Variants in RERE observed in about 807,000 individuals in gnomAD.
The protein encoded by RERE is arginine-glutamic acid dipeptide repeats protein.
Under a neutral mutation model 146.1 loss-of-function variants are expected in RERE, and 40 were observed. The ratio of observed to expected loss-of-function variants is 0.27; its 90% CI spans 0.21 to 0.36. The LOEUF is 0.36. Among genes scored for constraint, RERE ranks in the 10% least tolerant of loss-of-function variants. The pLI is 1.00. For missense variants in RERE, 1,933 were observed against 2,138.7 expected (o/e 0.90, Z 1.90); for synonymous variants, 1,003 against 866.0 (o/e 1.16, Z -2.78).
chr1:8,816,510 A>C (rs531577615), intron 1 of RERE, among the ~76,000 whole-genome samples: 1 of 152,316 alleles, frequency 6.6e-6, no homozygotes, highest in Admixed American at 6.5e-5. Flanking sequence ...TTTCAAAGGA[A>C]GCCTGCAACA....
intron 1 of RERE, among the ~76,000 whole-genome samples, chr1:8,724,650 G>A (rs569244449): frequency 2.0e-5 from 3 of 151,970 alleles, no homozygotes; most frequent in South Asian, 2.1e-4. Context: ...TTCAAGACCA[G>A]CGACCCCGTC....
chr1:8,690,659 G>A (rs1327333894), intron 1 of RERE, among the ~76,000 whole-genome samples: 4 of 152,192 alleles, frequency 2.6e-5, no homozygotes, highest in African/African-American at 9.7e-5. Flanking sequence ...ATTTACCTTT[G>A]TGGATAGTTT....
intron 1 of RERE, among the ~76,000 whole-genome samples, chr1:8,679,878 C>T (rs1333047285): frequency 2.0e-5 from 3 of 152,138 alleles, no homozygotes; most frequent in South Asian, 2.1e-4. Flanking sequence ...ATCTGCCACT[C>T]AAGTTAATTA....
At chr1:8,555,796 A>AT (rs1045486769) in intron 6 of RERE, among the ~76,000 whole-genome samples, 7 of 152,122 alleles carry the variant, frequency 4.6e-5, no homozygotes, top group African/African-American at 9.7e-5. Flanking sequence ...TGTCATGGTC[A>AT]TTTTTTTGAC....
At chr1:8,693,871 T>C (rs1275386964) in intron 1 of RERE, among the ~76,000 whole-genome samples, 3 of 152,148 alleles carry the variant, frequency 2.0e-5, no homozygotes, top group African/African-American at 7.2e-5. Flanking sequence ...CTACTCAATT[T>C]ATCTGCAAAC....
At chr1:8,729,909 CT>C (rs1640047880) in intron 1 of RERE, among the ~76,000 whole-genome samples, 2 of 152,178 alleles carry the variant, frequency 1.3e-5, no homozygotes, top group Non-Finnish European at 2.9e-5. Context: ...CTAAGGTTTT[CT>C]TTCAGGTATT....
intron 4 of RERE, among the ~76,000 whole-genome samples, chr1:8,609,220 A>C (rs1013280027): frequency 3.2e-4 from 45 of 139,100 alleles, no homozygotes; most frequent in Non-Finnish European, 4.1e-4. Flanking sequence ...CCTGTCTCCC[A>C]AAAAAAAAAA....
At chr1:8,395,778 C>T (rs780296884) in intron 12 of RERE, among the ~76,000 whole-genome samples, 3 of 152,090 alleles carry the variant, frequency 2.0e-5, no homozygotes, top group Non-Finnish European at 2.9e-5. Flanking sequence ...ACCAAAACCA[C>T]CACCATGCAC....
intron 1 of RERE, among the ~76,000 whole-genome samples, chr1:8,728,769 A>G (rs531366335): frequency 6.6e-6 from 1 of 152,376 alleles, no homozygotes; most frequent in Admixed American, 6.5e-5. Context: ...TCCAGTAGAT[A>G]AAAACGATGG....
At chr1:8,609,437 TG>T (rs137927339) in intron 4 of RERE, among the ~76,000 whole-genome samples, 3,991 of 152,250 alleles carry the variant, frequency 0.026, 154 homozygotes, top group African/African-American at 0.091. Flanking sequence ...TTAGGGTAGC[TG>T]GATTAATCCC....
At chr1:8,606,336 T>A (rs1258873247) in intron 4 of RERE, among the ~76,000 whole-genome samples, 1 of 152,190 alleles carries the variant, frequency 6.6e-6, no homozygotes, top group Non-Finnish European at 1.5e-5. Flanking sequence ...TTCTAAATTT[T>A]AAAAATTTTC....
At chr1:8,643,788 G>A (rs1647216676) in intron 2 of RERE, among the ~76,000 whole-genome samples, 1 of 152,136 alleles carries the variant, frequency 6.6e-6, no homozygotes, top group Admixed American at 6.5e-5. Context: ...AACCCCAGGG[G>A]ACAGGTGTTC....
At chr1:8,365,543 T>C (rs1281238466) in intron 13 of RERE, among the ~76,000 whole-genome samples, 1 of 152,246 alleles carries the variant, frequency 6.6e-6, no homozygotes, top group Non-Finnish European at 1.5e-5. Flanking sequence ...AAGACGTGTA[T>C]TTTTTGTAAA....
chr1:8,390,121 G>C (rs936101169), intron 12 of RERE, among the ~76,000 whole-genome samples: 2 of 152,132 alleles, frequency 1.3e-5, no homozygotes, highest in Non-Finnish European at 2.9e-5. Flanking sequence ...CCAAGACCTA[G>C]AAACAGTCAT....
chr1:8,643,457 A>G (rs1320425722), intron 2 of RERE, among the ~76,000 whole-genome samples: 1 of 152,084 alleles, frequency 6.6e-6, no homozygotes, highest in Admixed American at 6.5e-5. Context: ...AAGACCACAT[A>G]TTCAGCAAAA....
At chr1:8,652,214 C>A (rs918858092) in intron 2 of RERE, among the ~76,000 whole-genome samples, 8 of 152,140 alleles carry the variant, frequency 5.3e-5, no homozygotes, top group Non-Finnish European at 1.0e-4. Flanking sequence ...AAAAGGGTGC[C>A]TCACATGGAG....
intron 1 of RERE, among the ~76,000 whole-genome samples, chr1:8,721,939 G>A (rs1185493042): frequency 1.3e-5 from 2 of 152,088 alleles, no homozygotes; most frequent in Admixed American, 6.6e-5. Context: ...GCTTTGCTGC[G>A]CTTTGCAGAT....
At chr1:8,391,053 C>T (rs1407350622) in intron 12 of RERE, among the ~76,000 whole-genome samples, 2 of 152,194 alleles carry the variant, frequency 1.3e-5, no homozygotes, top group Non-Finnish European at 2.9e-5. Context: ...CGCTCAGTTT[C>T]CACTCCCCTT....
At chr1:8,524,016 C>T (rs1645539479) in intron 7 of RERE, among the ~76,000 whole-genome samples, 4 of 152,238 alleles carry the variant, frequency 2.6e-5, no homozygotes, top group Admixed American at 2.6e-4. Context: ...CCAGATCCCA[C>T]AAGTGCATGA....
Sources: gnomAD v4.1 joint callset for allele counts (sites outside exome capture counted in the v4.1 genomes callset) on GRCh38, gnomAD v4.1.1 for gene constraint, MANE v1.5 for transcripts, NCBI Gene and HGNC (gene_info 2026-07-23, HGNC 2026-07-21) for gene names.